WIPI1: variants seen among roughly 807,000 people sequenced by gnomAD.
WIPI1 encodes the protein WD repeat domain, phosphoinositide interacting 1, also known as WD repeat domain phosphoinositide-interacting protein 1.
Under a neutral mutation model 55.3 loss-of-function variants are expected in WIPI1, and 45 were observed. The observed-to-expected ratio is 0.81, with a 90% CI of 0.64 to 1.04. The LOEUF is 1.04. Ranked by LOEUF, WIPI1 falls within the 50% of genes least tolerant of loss-of-function variation. The pLI is 0.00. For missense variants in WIPI1, 445 were observed against 559.0 expected (o/e 0.80, Z 2.06); for synonymous variants, 195 against 217.6 (o/e 0.90, Z 0.92).
chr17:68,428,233 T>TG (rs2083333696), intron 10 of WIPI1: 1 of 151,604 alleles, frequency 6.6e-6, no homozygotes, highest in South Asian at 2.1e-4. Context: ...AATAGGTTTT[T>TG]TTTTTTTTTT....
chr17:68,435,962 GCA>G lies in WIPI1; in HGVS notation c.529-252_529-251del, dbSNP rs559986508. On this transcript the variant is annotated intron_variant, in intron 5 of 12. Coordinates refer to ENST00000262139, the MANE Select transcript of WIPI1 (RefSeq NM_017983.7). ...GGTGGCCACGAACGGAGCACCTGAT[GCA>G]GTGTGATGCCGTCGCAGGCGCGCCC... Among the ~76,000 whole-genome samples the G allele has an allele frequency of 5.3e-5, 8 of 152,374 alleles. No individual in the cohort carries two copies. The East Asian group carries it at 1.5e-3, about 29-fold the overall frequency.
chr17:68,437,944 C>A, intron 4 of WIPI1, among the ~76,000 whole-genome samples: 2 of 33,206 alleles, frequency 6.0e-5, no homozygotes, highest in East Asian at 4.1e-4. Context: ...AGAGACATCT[C>A]TCTTAAAAAA....
intron 4 of WIPI1, among the ~76,000 whole-genome samples, chr17:68,436,921 G>C (rs141966061): frequency 0.014 from 2,132 of 151,842 alleles, 55 homozygotes; most frequent in African/African-American, 0.049. Context: ...TTGAACCCAG[G>C]AGGCAAAGGT....
At chr17:68,429,200 C>T (rs907464122) in intron 9 of WIPI1, among the ~76,000 whole-genome samples, 2 of 151,716 alleles carry the variant, frequency 1.3e-5, no homozygotes, top group Non-Finnish European at 1.5e-5. Flanking sequence ...GAAGCAATAG[C>T]TAGTGAACAC....
chr17:68,456,709 G>C (rs1486922787), intron 1 of WIPI1, among the ~76,000 whole-genome samples: 2 of 152,224 alleles, frequency 1.3e-5, no homozygotes, highest in Non-Finnish European at 2.9e-5. Flanking sequence ...AGGAGATCCT[G>C]CCTGGCTGGG....
chr17:68,444,373 T>G (rs1030098), intron 4 of WIPI1, 120 bp downstream of exon 4: 1 of 837,700 alleles, frequency 1.2e-6, no homozygotes, highest in Non-Finnish European at 2.0e-6. Flanking sequence ...GAGATAAACC[T>G]CACTAAGACT....
intron 3 of WIPI1, among the ~76,000 whole-genome samples, chr17:68,447,361 GTTC>G (rs144664261): frequency 0.036 from 5,452 of 152,156 alleles, 333 homozygotes; most frequent in African/African-American, 0.12. Context: ...ATTCCTAAGT[GTTC>G]TTCTTTTTTA....
In WIPI1 at chr17:68,430,038, C is replaced by T. The variant is rs36084378; in HGVS notation, c.923G>A (p.Arg308His). 1.1e-3 allele frequency: 1,705 copies of T among 1,614,146 alleles called. 26 individuals carry two copies. In the African/African-American group the frequency reaches 0.021, roughly 19 times the overall value. The change falls in exon 9 of 13, where the codon CGC becomes CAC. Residue 308 changes from arginine to histidine, a missense_variant. Coordinates refer to ENST00000262139, the MANE Select transcript of WIPI1 (RefSeq NM_017983.7). The stretch of plus-strand genomic sequence containing the variant: ...GTTCCTCTGTCCGGAGAAGTTCAAG[C>T]GTGCAGTGGCAAAAGCCCTGTCCTG... ...MHQDRAFATA[R>H]LNFSGQRNIC...
chr17:68,434,204 A>G (rs1006567756), intron 7 of WIPI1, among the ~76,000 whole-genome samples: 1 of 152,146 alleles, frequency 6.6e-6, no homozygotes, highest in Non-Finnish European at 1.5e-5. Context: ...CCTACATCCG[A>G]TAAGATCCCA....
At chr17:68,425,861 T>C (rs1213437226) in intron 12 of WIPI1, 1 of 525,470 alleles carries the variant, frequency 1.9e-6, no homozygotes, top group Non-Finnish European at 3.4e-6. Context: ...GTGACTCTAA[T>C]GCCATCAGGG....
chr17:68,437,003 A>ATATATATATATAT (rs1454926862), intron 4 of WIPI1, among the ~76,000 whole-genome samples: 8 of 60,330 alleles, frequency 1.3e-4, no homozygotes, highest in Non-Finnish European at 2.4e-4. Flanking sequence ...CAAAAAAAAA[A>ATATATATATATAT]AAATATATAT....
At chr17:68,430,217 A>T in intron 8 of WIPI1, 57 bp from the exon 9 acceptor site, 1 of 1,540,384 alleles carries the variant, frequency 6.5e-7, no homozygotes, top group Non-Finnish European at 8.8e-7. Context: ...ACACGCACCC[A>T]GGAATCTCCA....
chr17:68,433,581 A>G lies in WIPI1; in HGVS notation c.693-6T>C. 1 of 1,612,592 alleles carries G rather than the reference A, an allele frequency of 6.2e-7. No homozygotes were observed. The highest frequency in any genetic ancestry group is 8.5e-7 in the Non-Finnish European group (1 of 1,178,888). On this transcript the variant is annotated splice_polypyrimidine_tract_variant and splice_region_variant and intron_variant, in intron 7 of 12. Coordinates refer to ENST00000262139, the MANE Select transcript of WIPI1 (RefSeq NM_017983.7). ...GAGAGCTGATTGTCACATACCTACA[A>G]GCACAGCAACACATGGGTCAGTGAG...
At chr17:68,457,249 G>C in intron 1 of WIPI1, 93 bp downstream of exon 1, 1 of 1,452,786 alleles carries the variant, frequency 6.9e-7, no homozygotes, top group Middle Eastern at 1.8e-4. Flanking sequence ...AGGCCGCCTC[G>C]AGGCGGAAGC....
chr17:68,429,431 C>T (rs974583775), intron 9 of WIPI1, among the ~76,000 whole-genome samples: 1 of 152,164 alleles, frequency 6.6e-6, no homozygotes, highest in African/African-American at 2.4e-5. Context: ...AGGCTTTTTA[C>T]ATAATTACAT....
At chr17:68,438,905 C>T (rs561857431) in intron 4 of WIPI1, among the ~76,000 whole-genome samples, 45 of 152,256 alleles carry the variant, frequency 3.0e-4, no homozygotes, top group African/African-American at 1.0e-3. Context: ...TGGCCTAGCA[C>T]ATATGTTTTT....
chr17:68,457,066 C>G lies in WIPI1; in HGVS notation c.80+276G>C, dbSNP rs576660354. On this transcript the variant is annotated intron_variant, in intron 1 of 12. Coordinates refer to ENST00000262139, the MANE Select transcript of WIPI1 (RefSeq NM_017983.7). ...TGCTCCCCCCATATTCCGTGGCCCC[C>G]GCAGCCCCACCACTCCCTTTGCGAA... Among the ~76,000 whole-genome samples, 3 of 152,308 alleles carry G rather than the reference C, an allele frequency of 2.0e-5. No homozygotes were observed. The East Asian group carries it at 5.8e-4, about 29-fold the overall frequency.
chr17:68,425,994 G>T, intron 12 of WIPI1, 81 bp downstream of exon 12: 1 of 1,064,656 alleles, frequency 9.4e-7, no homozygotes, highest in South Asian at 1.3e-5. Context: ...CAGGGAAAGG[G>T]ACTCTGCCTC....
intron 10 of WIPI1, chr17:68,428,368 A>ACT (rs1169228697): frequency 5.9e-6 from 1 of 168,334 alleles, no homozygotes; most frequent in East Asian, 1.7e-4. Flanking sequence ...AGCTGGGACT[A>ACT]CAGGTGTGTG....
Sources: allele counts gnomAD v4.1 joint callset (sites outside exome capture counted in the v4.1 genomes callset), GRCh38; gene constraint gnomAD v4.1.1; transcripts MANE v1.5; gene names NCBI Gene and HGNC (gene_info 2026-07-23, HGNC 2026-07-21).